Variants in TRAM2 observed in about 807,000 individuals in gnomAD.
TRAM2 encodes translocation associated membrane protein 2.
TRAM2 carries 12 observed loss-of-function variants against 51.0 expected under a neutral mutation model. The observed-to-expected ratio is 0.24, with a 90% confidence interval of 0.15 to 0.38. The LOEUF (loss-of-function observed/expected upper bound fraction) is 0.38, where lower values mean the gene tolerates loss of function less well. Ranked by LOEUF, TRAM2 falls within the 10% of genes least tolerant of loss-of-function variation. The pLI is 1.00. For synonymous variants in TRAM2, 175 were observed against 179.4 expected (o/e 0.98, Z 0.20); for missense variants, 361 against 462.0 (o/e 0.78, Z 2.00).
At chr6:52,535,740 G>T (rs771765425) in intron 2 of TRAM2, 43 bp downstream of exon 2, 50 of 1,562,780 alleles carry the variant, frequency 3.2e-5, no homozygotes, top group Non-Finnish European at 4.3e-5. Flanking sequence ...AGGTCCTTCA[G>T]GGTTAACAGG....
At chr6:52,541,839 G>A (rs976871040) in intron 1 of TRAM2, among the ~76,000 whole-genome samples, 1 of 144,052 alleles carries the variant, frequency 6.9e-6, no homozygotes, top group Non-Finnish European at 1.5e-5. Context: ...CCATGCATTG[G>A]CACTTGGAAG....
In TRAM2 at chr6:52,502,977, AAG is replaced by A. The variant is rs1262657616; in HGVS notation, c.*218_*219del. On this transcript the variant is annotated 3_prime_UTR_variant, in exon 11 of 11. Coordinates refer to ENST00000182527, the MANE Select transcript of TRAM2 (RefSeq NM_012288.4). The stretch of plus-strand genomic sequence containing the variant: ...GACAGGAGGTGGCCTGAGGGGGAGA[AAG>A]AGAAAGATTTTTGGCTTTATTGAGA... The A allele has an allele frequency of 6.7e-6, 4 of 595,130 alleles. No individual in the cohort carries two copies. The highest frequency in any genetic ancestry group is 9.0e-6 in the Non-Finnish European group (3 of 334,848). The allele number at this position is 595,130 out of a possible 1,614,324, so 36.9% of individuals were successfully genotyped here.
chr6:52,576,694 G>A (rs2114115173), intron 1 of TRAM2, 102 bp downstream of exon 1: 9 of 1,454,112 alleles, frequency 6.2e-6, no homozygotes, highest in East Asian at 5.1e-5. Flanking sequence ...CGGCAGCCAG[G>A]AGCCTCCGAT....
chr6:52,518,207 T>C (rs915236549), intron 2 of TRAM2, among the ~76,000 whole-genome samples: 1 of 152,050 alleles, frequency 6.6e-6, no homozygotes. Context: ...AACTGTTCAC[T>C]GGTCAGGGTG....
chr6:52,539,902 G>C (rs1767047332), intron 1 of TRAM2, among the ~76,000 whole-genome samples: 1 of 152,048 alleles, frequency 6.6e-6, no homozygotes, highest in Non-Finnish European at 1.5e-5. Flanking sequence ...ATTCCTATTT[G>C]ACAAACTCAT....
chr6:52,575,847 G>A (rs1285128729), intron 1 of TRAM2, among the ~76,000 whole-genome samples: 3 of 152,208 alleles, frequency 2.0e-5, no homozygotes, highest in Non-Finnish European at 2.9e-5. Flanking sequence ...AAGATATACC[G>A]CAACAAACCC....
At chr6:52,556,740 C>T (rs1338506232) in intron 1 of TRAM2, among the ~76,000 whole-genome samples, 1 of 151,996 alleles carries the variant, frequency 6.6e-6, no homozygotes, top group Non-Finnish European at 1.5e-5. Flanking sequence ...CCGGCCTGGC[C>T]AACATGGCAA....
intron 4 of TRAM2, among the ~76,000 whole-genome samples, chr6:52,512,928 G>A (rs1222359885): frequency 6.6e-6 from 1 of 152,180 alleles, no homozygotes; most frequent in Non-Finnish European, 1.5e-5. Context: ...CCCTCTACTT[G>A]GTTCTAAAAT....
chr6:52,531,589 A>T (rs1766893086), intron 2 of TRAM2, among the ~76,000 whole-genome samples: 2 of 152,182 alleles, frequency 1.3e-5, no homozygotes. Context: ...GGTTCCAGTC[A>T]CGCTGGCCTA....
intron 2 of TRAM2, among the ~76,000 whole-genome samples, chr6:52,531,522 G>A (rs1158080636): frequency 6.6e-6 from 1 of 152,200 alleles, no homozygotes; most frequent in African/African-American, 2.4e-5. Context: ...GGGCCTGGAG[G>A]AGGATTCCAG....
intron 1 of TRAM2, among the ~76,000 whole-genome samples, chr6:52,545,016 T>C (rs144199517): frequency 2.0e-5 from 3 of 152,326 alleles, no homozygotes; most frequent in South Asian, 4.1e-4. Flanking sequence ...TATATACGTA[T>C]AAAATCTCAT....
intron 1 of TRAM2, among the ~76,000 whole-genome samples, chr6:52,547,959 A>G (rs1767240320): frequency 6.6e-6 from 1 of 152,226 alleles, no homozygotes; most frequent in South Asian, 2.1e-4. Flanking sequence ...GGTTTTCTAA[A>G]CAGATATGTC....
rs918249142 is a variant in TRAM2 at position 52,502,446 on chromosome 6, C to T, written c.*751G>A. Reference sequence around the variant, plus strand: ...TAAGCAGTGGGAAGACGTGTCCCCCCCCACAGAGCGACAGCAGGCTGGCTT... The same window carrying T: ...TAAGCAGTGGGAAGACGTGTCCCCCTCCACAGAGCGACAGCAGGCTGGCTT... On this transcript the variant is annotated 3_prime_UTR_variant, in exon 11 of 11. Coordinates refer to ENST00000182527, the MANE Select transcript of TRAM2 (RefSeq NM_012288.4). 1 of 152,252 alleles carries T rather than the reference C, an allele frequency of 6.6e-6. No homozygotes were observed. Among genetic ancestry groups the T allele is most frequent in the Non-Finnish European group, 1.5e-5 (1 of 68,062 alleles). The allele number at this position is 152,252 out of a possible 1,614,324, so 9.4% of individuals were successfully genotyped here. A position where few individuals can be genotyped will look rare whatever the true frequency, so the allele number is the denominator to read the frequency against.
chr6:52,507,126 A>C (rs1766364170), intron 7 of TRAM2, among the ~76,000 whole-genome samples: 1 of 152,176 alleles, frequency 6.6e-6, no homozygotes, highest in Admixed American at 6.5e-5. Flanking sequence ...TTATAAACCA[A>C]AGGGAAGGGA....
chr6:52,535,661 AC>A, intron 2 of TRAM2, 121 bp downstream of exon 2: 1 of 775,016 alleles, frequency 1.3e-6, no homozygotes, highest in South Asian at 1.8e-5. Flanking sequence ...AGTCTGGGTG[AC>A]AGAGCAGAGA....
intron 1 of TRAM2, among the ~76,000 whole-genome samples, chr6:52,571,223 C>T (rs1217614014): frequency 6.6e-6 from 1 of 152,220 alleles, no homozygotes; most frequent in Non-Finnish European, 1.5e-5. Flanking sequence ...CATTTGGGAA[C>T]TCTAATCCGC....
chr6:52,501,448 T>A lies in TRAM2; in HGVS notation c.*1749A>T, dbSNP rs908400560. The A allele has an allele frequency of 1.3e-5, 2 of 152,262 alleles. No individual in the cohort carries two copies. The highest frequency in any genetic ancestry group is 2.9e-5 in the Non-Finnish European group (2 of 68,050). The allele number at this position is 152,262 out of a possible 1,614,324, so 9.4% of individuals were successfully genotyped here. On this transcript the variant is annotated 3_prime_UTR_variant, in exon 11 of 11. Coordinates refer to ENST00000182527, the MANE Select transcript of TRAM2 (RefSeq NM_012288.4). ...ATCCAAGGTTTGGTTTCTACTGTGA[T>A]GTCAGAAAGATGACCAGTATTCCAA... is the stretch of plus-strand genomic sequence containing the variant.
chr6:52,554,519 CAAAAAAAAA>C (rs55641649), intron 1 of TRAM2, among the ~76,000 whole-genome samples: 1 of 109,084 alleles, frequency 9.2e-6, no homozygotes, highest in Non-Finnish European at 1.9e-5. Context: ...GACCCCATCT[CAAAAAAAAA>C]AAAAAAAAAA....
intron 1 of TRAM2, among the ~76,000 whole-genome samples, chr6:52,552,749 T>G (rs1055981904): frequency 1.3e-5 from 2 of 152,146 alleles, no homozygotes; most frequent in Non-Finnish European, 2.9e-5. Flanking sequence ...GAAATCTTTC[T>G]CCCCAGGATG....
Sources: gnomAD v4.1 joint callset for allele counts (sites outside exome capture counted in the v4.1 genomes callset) on GRCh38, gnomAD v4.1.1 for gene constraint, MANE v1.5 for transcripts, NCBI Gene and HGNC (gene_info 2026-07-23, HGNC 2026-07-21) for gene names.